The following STXBP5L variants were observed in gnomAD, a reference collection of about 807,000 sequenced individuals.
STXBP5L encodes the protein syntaxin binding protein 5L.
STXBP5L carries 65 observed loss-of-function variants against 144.5 expected under a neutral mutation model. The ratio of observed to expected loss-of-function variants is 0.45; its 90% CI spans 0.37 to 0.55. STXBP5L has a LOEUF of 0.55. Among genes scored for constraint, STXBP5L ranks in the 20% least tolerant of loss-of-function variants. The probability of loss-of-function intolerance (pLI) is 0.00; values close to 1 mark genes in which losing one functional copy is unlikely to be tolerated. For missense variants in STXBP5L, 1,298 were observed against 1,405.5 expected, an observed-to-expected ratio of 0.92 and a Z score of 1.22; for synonymous variants, 505 against 469.6, an observed-to-expected ratio of 1.08 and a Z score of -0.97.
chr3:121,349,639 C>T (rs1232396365), intron 20 of STXBP5L, among the ~76,000 whole-genome samples: 6 of 151,762 alleles, frequency 4.0e-5, no homozygotes, highest in Admixed American at 3.3e-4. Context: ...ATCTGGGTAC[C>T]CCTGTATTGG....
intron 20 of STXBP5L, among the ~76,000 whole-genome samples, chr3:121,320,163 T>C (rs747840316): frequency 2.6e-5 from 4 of 152,212 alleles, no homozygotes; most frequent in Non-Finnish European, 5.9e-5. Flanking sequence ...AGTATCTCTC[T>C]GTTTATGTGT....
At chr3:121,078,390 A>G (rs969036631) in intron 5 of STXBP5L, among the ~76,000 whole-genome samples, 4 of 152,214 alleles carry the variant, frequency 2.6e-5, no homozygotes, top group South Asian at 2.1e-4. Flanking sequence ...CAGAGTGCCA[A>G]TTGGTGTGTT....
At chr3:121,063,882 G>A (rs375186899) in intron 5 of STXBP5L, among the ~76,000 whole-genome samples, 4 of 152,194 alleles carry the variant, frequency 2.6e-5, no homozygotes, top group African/African-American at 9.6e-5. Context: ...AGACTGCTGT[G>A]TTGACAGCAA....
At position 121,259,177 on chromosome 3, in the gene STXBP5L, T is replaced by C; in HGVS notation, c.1958+9T>C. 3 of 1,527,588 alleles carry C rather than the reference T, an allele frequency of 2.0e-6. No homozygotes were observed. Among genetic ancestry groups the C allele is most frequent in the Non-Finnish European group, 2.6e-6 (3 of 1,135,206 alleles). The allele number at this position is 1,527,588 out of a possible 1,614,324, so 94.6% of individuals were successfully genotyped here. A position where few individuals can be genotyped will look rare whatever the true frequency, so the allele number is the denominator to read the frequency against. ...AGCTCAGCATATGGAATGTAAGTAATTAAACTTTTTTATGATATGTATTAT... is the reference window on the plus strand; with the variant it reads ...AGCTCAGCATATGGAATGTAAGTAACTAAACTTTTTTATGATATGTATTAT... On this transcript the variant is annotated intron_variant, in intron 18 of 26. Transcript: ENST00000471454.
intron 3 of STXBP5L, among the ~76,000 whole-genome samples, chr3:120,995,980 A>C (rs199920264): frequency 6.6e-6 from 1 of 152,072 alleles, no homozygotes; most frequent in Non-Finnish European, 1.5e-5. Flanking sequence ...TCATCTGAGA[A>C]TGTCTTTATT....
intron 5 of STXBP5L, among the ~76,000 whole-genome samples, chr3:121,071,182 C>T (rs1262925994): frequency 2.0e-5 from 3 of 152,186 alleles, no homozygotes; most frequent in Non-Finnish European, 4.4e-5. Flanking sequence ...TAAGCTTATA[C>T]TATGCACAGG....
At chr3:121,230,309 A>G (rs529458397) in intron 11 of STXBP5L, among the ~76,000 whole-genome samples, 9 of 152,182 alleles carry the variant, frequency 5.9e-5, no homozygotes, top group Admixed American at 3.9e-4. Context: ...GACTAGTCCC[A>G]TTTGCCAAAA....
At chr3:120,969,191 A>G (rs1381072945) in intron 3 of STXBP5L, among the ~76,000 whole-genome samples, 1 of 151,452 alleles carries the variant, frequency 6.6e-6, no homozygotes, top group Non-Finnish European at 1.5e-5. Flanking sequence ...TACCACATCC[A>G]TGCCAACATC....
chr3:120,985,372 T>A (rs1942195031), intron 3 of STXBP5L, among the ~76,000 whole-genome samples: 1 of 152,098 alleles, frequency 6.6e-6, no homozygotes, highest in Admixed American at 6.6e-5. Context: ...GCAAAATGAT[T>A]ACATCAAGCT....
At chr3:121,233,532 G>T in intron 11 of STXBP5L, 84 bp from the exon 12 acceptor site, 3 of 917,940 alleles carry the variant, frequency 3.3e-6, no homozygotes, top group East Asian at 5.9e-5. Context: ...AATAATATTT[G>T]TATAGGGATA....
intron 2 of STXBP5L, among the ~76,000 whole-genome samples, chr3:120,942,799 A>G (rs1361189206): frequency 6.6e-6 from 1 of 151,588 alleles, no homozygotes; most frequent in Non-Finnish European, 1.5e-5. Context: ...TAATGGGAAT[A>G]GCAAATATAT....
At chr3:121,188,992 T>C (rs1452365737) in intron 9 of STXBP5L, among the ~76,000 whole-genome samples, 2 of 152,220 alleles carry the variant, frequency 1.3e-5, no homozygotes, top group Non-Finnish European at 2.9e-5. Context: ...TAAAGGGTAT[T>C]CAATTAGGAA....
intron 9 of STXBP5L, among the ~76,000 whole-genome samples, chr3:121,175,217 C>T (rs1382604251): frequency 6.6e-6 from 1 of 152,076 alleles, no homozygotes; most frequent in Non-Finnish European, 1.5e-5. Flanking sequence ...GAGAAAAACC[C>T]TCTGGCAAAT....
chr3:121,057,272 T>C lies in STXBP5L; in HGVS notation c.470+11737T>C, dbSNP rs9873591. ...TGTTAATGTAGCATGTTATACAGTT[T>C]TGTGTCTTGCTTTTTTCCCTCTATA... On this transcript the variant is annotated intron_variant, in intron 5 of 26. Coordinates refer to ENST00000471454, the MANE Select transcript of STXBP5L (RefSeq NM_001308330.2). Among the ~76,000 whole-genome samples the C allele has an allele frequency of 6.6e-3, 1,010 of 152,106 alleles. 8 individuals carry two copies. The highest frequency in any genetic ancestry group is 0.021 in the African/African-American group (891 of 41,554).
At chr3:121,194,581 T>C (rs2047845213) in intron 9 of STXBP5L, among the ~76,000 whole-genome samples, 1 of 152,064 alleles carries the variant, frequency 6.6e-6, no homozygotes, top group South Asian at 2.1e-4. Context: ...AGTGGCCTCA[T>C]AGAATGAGTT....
intron 7 of STXBP5L, among the ~76,000 whole-genome samples, chr3:121,135,991 G>C (rs1376451503): frequency 6.6e-6 from 1 of 152,058 alleles, no homozygotes; most frequent in Non-Finnish European, 1.5e-5. Context: ...GAATGAACTT[G>C]AGTTCTGGCC....
intron 3 of STXBP5L, among the ~76,000 whole-genome samples, chr3:120,957,519 C>A (rs1307794307): frequency 6.6e-6 from 1 of 151,562 alleles, no homozygotes; most frequent in Middle Eastern, 3.2e-3. Flanking sequence ...TTTGTTCTGT[C>A]TTTGTTGGTT....
intron 5 of STXBP5L, among the ~76,000 whole-genome samples, chr3:121,056,433 G>T (rs945701765): frequency 6.6e-6 from 1 of 152,042 alleles, no homozygotes; most frequent in African/African-American, 2.4e-5. Flanking sequence ...TACTATCAGA[G>T]AATTTCTGAA....
intron 18 of STXBP5L, among the ~76,000 whole-genome samples, chr3:121,279,083 C>T (rs1458593055): frequency 1.3e-5 from 2 of 151,454 alleles, no homozygotes; most frequent in East Asian, 1.9e-4. Context: ...CAAAAAGTAC[C>T]GACAGAATTG....
Sources: gnomAD v4.1 joint callset for allele counts (sites outside exome capture counted in the v4.1 genomes callset) on GRCh38, gnomAD v4.1.1 for gene constraint, MANE v1.5 for transcripts, NCBI Gene and HGNC (gene_info 2026-07-23, HGNC 2026-07-21) for gene names.